The following PRKCI variants were observed in gnomAD, a reference collection of about 807,000 sequenced individuals.
PRKCI encodes protein kinase C iota.
In PRKCI, 43 loss-of-function variants were observed where a neutral mutation model predicts 84.0. That is an observed-to-expected ratio of 0.51 (90% confidence interval 0.40 to 0.66). The LOEUF is 0.66. Ranked by LOEUF, PRKCI falls within the 30% of genes least tolerant of loss-of-function variation. PRKCI has a pLI of 0.00. For synonymous variants in PRKCI, 216 were observed against 234.4 expected (o/e 0.92, Z 0.72); for missense variants, 459 against 745.6 (o/e 0.62, Z 4.48).
At chr3:170,286,016 C>A (rs1461927030) in intron 12 of PRKCI, among the ~76,000 whole-genome samples, 2 of 151,902 alleles carry the variant, frequency 1.3e-5, no homozygotes, top group Non-Finnish European at 2.9e-5. Flanking sequence ...CCTCCACCTC[C>A]CAGGTTCAAG....
In PRKCI at chr3:170,294,687, A is replaced by G. The variant is rs532306864; in HGVS notation, c.1417+1179A>G. Among the ~76,000 whole-genome samples, 55 of 152,258 alleles carry G rather than the reference A, an allele frequency of 3.6e-4. No individual in the cohort carries two copies. In the South Asian group the frequency reaches 0.011, roughly 31 times the overall value. Reference sequence around the variant, plus strand: ...GTTAACTCATTTAAACCTCATAACAATCCTATGAAGTATTTTTTTATTCCT... The same window carrying G: ...GTTAACTCATTTAAACCTCATAACAGTCCTATGAAGTATTTTTTTATTCCT... On this transcript the variant is annotated intron_variant, in intron 14 of 17. Transcript: ENST00000295797.
chr3:170,279,505 T>C (rs780191167), intron 8 of PRKCI, among the ~76,000 whole-genome samples: 3 of 152,226 alleles, frequency 2.0e-5, no homozygotes, highest in Admixed American at 6.5e-5. Flanking sequence ...CATTGTGTGC[T>C]GATGATTTTG....
At chr3:170,229,823 A>G (rs1339551874) in intron 1 of PRKCI, among the ~76,000 whole-genome samples, 1 of 152,156 alleles carries the variant, frequency 6.6e-6, no homozygotes, top group Non-Finnish European at 1.5e-5. Context: ...TTCCCATTGC[A>G]TGTTATCTGT....
rs548407839 is a variant in PRKCI at position 170,267,400 on chromosome 3, G to A, written c.365-515G>A. ...AAAGAAAAGCAGTAGTAGGCCGGGC[G>A]CGTTGGCTCACGCCTGTAATCCCAG... On this transcript the variant is annotated intron_variant, in intron 4 of 17. Coordinates refer to ENST00000295797, the MANE Select transcript of PRKCI (RefSeq NM_002740.6). Among the ~76,000 whole-genome samples, 380 of 152,036 alleles carry A rather than the reference G, an allele frequency of 2.5e-3. 1 individual carries two copies. Among genetic ancestry groups the A allele is most frequent in the African/African-American group, 7.9e-3 (327 of 41,470 alleles).
chr3:170,253,035 T>C lies in PRKCI; in HGVS notation c.224-6934T>C, dbSNP rs149406832. Among the ~76,000 whole-genome samples, 26 of 152,336 alleles carry C rather than the reference T, an allele frequency of 1.7e-4. No individual in the cohort carries two copies. The East Asian group carries it at 3.7e-3, about 21-fold the overall frequency. Reference sequence around the variant, plus strand: ...ATGTCTTCCAGTTTCATCCATGTTGTTGCAAGTGACAGGATCTCATTCTTT... The same window carrying C: ...ATGTCTTCCAGTTTCATCCATGTTGCTGCAAGTGACAGGATCTCATTCTTT... On this transcript the variant is annotated intron_variant, in intron 2 of 17. Transcript: ENST00000295797.
Position 170,284,563 on chromosome 3 carries a change from C to A in PRKCI, c.1170C>A (p.Gly390=), listed in dbSNP as rs1380906563. Residue 390 remains glycine (G), a synonymous_variant, in exon 12 of 18, where the codon GGC becomes GGA. Coordinates refer to ENST00000295797, the MANE Select transcript of PRKCI (RefSeq NM_002740.6). ...KLDNVLLDSE[G]HIKLTDYGMC... ...ACAATGTATTACTGGACTCTGAAGG[C>A]CACATTAAACTCACTGACTACGGCA... 1.2e-6 allele frequency: 2 copies of A among 1,612,520 alleles called. No homozygotes were observed. Among genetic ancestry groups the A allele is most frequent in the African/African-American group, 2.7e-5 (2 of 74,908 alleles).
chr3:170,244,026 A>G (rs896247227), intron 2 of PRKCI, among the ~76,000 whole-genome samples: 1 of 152,240 alleles, frequency 6.6e-6, no homozygotes, highest in African/African-American at 2.4e-5. Context: ...TGTATCTGCT[A>G]TTCATCGCTG....
At position 170,305,612 on chromosome 3, in the gene PRKCI, A is replaced by G. The variant is rs1218966605; in HGVS notation, c.*2485A>G. On this transcript the variant is annotated 3_prime_UTR_variant, in exon 18 of 18. Transcript: ENST00000295797. ...TGTGTATTTTATACAGAAATGCATTATAAATGTTTTTAATTGTGTTCTGTT... is the reference window on the plus strand; with the variant it reads ...TGTGTATTTTATACAGAAATGCATTGTAAATGTTTTTAATTGTGTTCTGTT... 2.0e-5 allele frequency: 3 copies of G among 152,192 alleles called. No individual in the cohort carries two copies. The highest frequency in any genetic ancestry group is 1.5e-5 in the Non-Finnish European group (1 of 68,038). The allele number at this position is 152,192 out of a possible 1,614,324, so 9.4% of individuals were successfully genotyped here.
At chr3:170,293,317 T>C in intron 13 of PRKCI, 66 bp from the exon 14 acceptor site, 1 of 1,457,152 alleles carries the variant, frequency 6.9e-7, no homozygotes, top group South Asian at 1.3e-5. Flanking sequence ...TGTGATAAAA[T>C]TTCCAGTTAC....
In PRKCI at chr3:170,235,228, A is replaced by G; in HGVS notation, c.102-2A>G. ...AAACTGAAAACTCCTTTTCTTTTTC[A>G]GGGATATCATGATAACACATTTTGA... On this transcript the variant is annotated splice_acceptor_variant, in intron 1 of 17. Transcript: ENST00000295797. LOFTEE classifies it high-confidence loss of function. 2 of 1,612,928 alleles carry G rather than the reference A, an allele frequency of 1.2e-6. No homozygotes were observed. Among genetic ancestry groups the G allele is most frequent in the Non-Finnish European group, 1.7e-6 (2 of 1,179,178 alleles).
chr3:170,251,752 A>C (rs1733450848), intron 2 of PRKCI, among the ~76,000 whole-genome samples: 1 of 152,044 alleles, frequency 6.6e-6, no homozygotes, highest in Non-Finnish European at 1.5e-5. Context: ...TCTACTAAAA[A>C]TACAAAAACT....
chr3:170,228,389 C>T (rs1732689348), intron 1 of PRKCI, among the ~76,000 whole-genome samples: 1 of 152,106 alleles, frequency 6.6e-6, no homozygotes, highest in South Asian at 2.1e-4. Flanking sequence ...CACTTGAGCC[C>T]AGGAATTGGA....
intron 2 of PRKCI, among the ~76,000 whole-genome samples, chr3:170,256,960 T>G (rs1292637467): frequency 1.3e-5 from 2 of 152,220 alleles, no homozygotes; most frequent in African/African-American, 4.8e-5. Flanking sequence ...TTGTTAACTT[T>G]CATGTGTTTT....
chr3:170,246,109 C>T (rs1474618488), intron 2 of PRKCI, among the ~76,000 whole-genome samples: 2 of 151,688 alleles, frequency 1.3e-5, no homozygotes, highest in African/African-American at 2.4e-5. Flanking sequence ...TGCTCCACCA[C>T]GCCCAGCTAA....
rs1214977029 is a variant in PRKCI, at chr3:170,263,384, C to G, written c.319C>G (p.Pro107Ala). The G allele has an allele frequency of 1.3e-6, 2 of 1,599,934 alleles. No homozygotes were observed. The highest frequency in any genetic ancestry group is 1.7e-6 in the Non-Finnish European group (2 of 1,167,778). ...KDSELLIHVF[P>A]CVPERPGMPC... ...GTTCGTTTATTTTCTTTCAGTGTTC[C>G]CTTGTGTACCAGAACGTCCTGGGAT... Residue 107 changes from proline to alanine, a missense_variant, in exon 4 of 18, where the codon CCT (proline) becomes GCT (alanine). Coordinates refer to ENST00000295797, the MANE Select transcript of PRKCI (RefSeq NM_002740.6).
chr3:170,258,958 A>G (rs1216839193), intron 2 of PRKCI, among the ~76,000 whole-genome samples: 1 of 152,104 alleles, frequency 6.6e-6, no homozygotes, highest in Non-Finnish European at 1.5e-5. Flanking sequence ...AGACTTTCCC[A>G]TTAGACACAT....
Position 170,275,325 on chromosome 3 carries a change from C to A in PRKCI, c.705+38C>A, listed in dbSNP as rs895562569. 3.9e-6 allele frequency: 6 copies of A among 1,556,458 alleles called. No homozygotes were observed. In the Admixed American group the frequency reaches 5.9e-5, roughly 15 times the overall value. On this transcript the variant is annotated intron_variant, in intron 8 of 17. Transcript: ENST00000295797. ...GTCTTATTGTACATTATATCATTAG[C>A]TTTTTAATAAGGCTCAGGAGTTTAA... is the stretch of plus-strand genomic sequence containing the variant.
intron 8 of PRKCI, among the ~76,000 whole-genome samples, chr3:170,277,641 C>T (rs1003302079): frequency 2.0e-5 from 3 of 148,480 alleles, no homozygotes; most frequent in African/African-American, 7.5e-5. Flanking sequence ...TTGCAGTGAG[C>T]AGAGACTGTA....
chr3:170,226,715 GA>G (rs1399042353), intron 1 of PRKCI, among the ~76,000 whole-genome samples: 1 of 152,134 alleles, frequency 6.6e-6, no homozygotes. Flanking sequence ...ACTTGTTTTT[GA>G]AAGAAATGCA....
Sources: allele counts gnomAD v4.1 joint callset (sites outside exome capture counted in the v4.1 genomes callset), GRCh38; gene constraint gnomAD v4.1.1; transcripts MANE v1.5; gene names NCBI Gene and HGNC (gene_info 2026-07-23, HGNC 2026-07-21).